TJP1: variants seen among roughly 807,000 people sequenced by gnomAD.
TJP1 encodes tight junction protein 1.
TJP1 carries 43 observed loss-of-function variants against 194.2 expected under a neutral mutation model. That is an observed-to-expected ratio of 0.22 (90% CI 0.17 to 0.29). TJP1 has a LOEUF of 0.29. TJP1 is among the 10% of genes least tolerant of loss of function. TJP1 has a pLI of 1.00. For missense variants in TJP1, 1,971 were observed against 2,185.7 expected, an observed-to-expected ratio of 0.90 and a Z score of 1.96; for synonymous variants, 801 against 779.0, an observed-to-expected ratio of 1.03 and a Z score of -0.47.
chr15:29,760,998 A>G, intron 8 of TJP1, 141 bp downstream of exon 8: 1 of 1,120,320 alleles, frequency 8.9e-7, no homozygotes, highest in Non-Finnish European at 1.2e-6. Flanking sequence ...TAGATTTAAA[A>G]AATGTCTAAG....
intron 2 of TJP1, among the ~76,000 whole-genome samples, chr15:29,920,315 C>T (rs954456332): frequency 1.3e-5 from 2 of 152,164 alleles, no homozygotes; most frequent in African/African-American, 4.8e-5. Context: ...TTTTATTTAG[C>T]ATTTCACAAA....
intron 2 of TJP1, among the ~76,000 whole-genome samples, chr15:29,777,501 A>T (rs1315045047): frequency 6.6e-6 from 1 of 152,202 alleles, no homozygotes; most frequent in Admixed American, 6.5e-5. Flanking sequence ...TAAATAAATA[A>T]AACAATGAAA....
In TJP1 at chr15:29,860,225, C is replaced by T. The variant is rs1398806447; in HGVS notation, c.307-59523G>A. Reference sequence around the variant, plus strand: ...TGACTCAGGAGTAAGCGCTTTCTTTCTCTCCCCCTGGAATCCTGTTTCACT... The same window carrying T: ...TGACTCAGGAGTAAGCGCTTTCTTTTTCTCCCCCTGGAATCCTGTTTCACT... On this transcript the variant is annotated intron_variant, in intron 2 of 28. Coordinates refer to the TJP1 transcript ENST00000356107. Among the ~76,000 whole-genome samples, 6 of 152,262 alleles carry T rather than the reference C, an allele frequency of 3.9e-5. No homozygotes were observed. In the East Asian group the frequency reaches 5.8e-4, roughly 15 times the overall value.
chr15:29,741,009 T>TG (rs1243225205), intron 10 of TJP1: 1 of 203,086 alleles, frequency 4.9e-6, no homozygotes, highest in African/African-American at 2.4e-5. Context: ...AACACTGATT[T>TG]TTTTTTTTTT....
At chr15:29,779,076 C>A (rs12916064) in intron 2 of TJP1, among the ~76,000 whole-genome samples, 13,204 of 152,262 alleles carry the variant, frequency 0.087, 791 homozygotes, top group Non-Finnish European at 0.13. Flanking sequence ...CTCCCACGAA[C>A]TTCCTTACAG....
At chr15:29,773,480 AC>A in intron 2 of TJP1, 123 bp from the exon 3 acceptor site, 1 of 884,846 alleles carries the variant, frequency 1.1e-6, no homozygotes, top group Non-Finnish European at 1.7e-6. Flanking sequence ...TGATCCATAA[AC>A]ACTCACCTGC....
At chr15:29,735,077 T>C (rs2043937559) in intron 11 of TJP1, among the ~76,000 whole-genome samples, 1 of 152,136 alleles carries the variant, frequency 6.6e-6, no homozygotes, top group African/African-American at 2.4e-5. Flanking sequence ...GGCTCAGTGT[T>C]TGCCAAGTTA....
At chr15:29,900,636 G>A (rs2053606322) in intron 2 of TJP1, among the ~76,000 whole-genome samples, 2 of 152,204 alleles carry the variant, frequency 1.3e-5, no homozygotes, top group African/African-American at 4.8e-5. Context: ...GTTACTAGCT[G>A]TATAAACTGC....
At chr15:29,858,029 C>T (rs1455478579) in intron 2 of TJP1, among the ~76,000 whole-genome samples, 1 of 152,200 alleles carries the variant, frequency 6.6e-6, no homozygotes, top group Non-Finnish European at 1.5e-5. Context: ...TCCTAAAATG[C>T]TGGGATTACA....
intron 2 of TJP1, among the ~76,000 whole-genome samples, chr15:29,840,726 A>T (rs2051195161): frequency 6.6e-6 from 1 of 152,174 alleles, no homozygotes; most frequent in Non-Finnish European, 1.5e-5. Flanking sequence ...TGCTGTATCC[A>T]GTGGGTCCCA....
chr15:29,718,890 G>A lies in TJP1; in HGVS notation c.3252C>T (p.Val1084=). 1 of 1,614,190 alleles carries A rather than the reference G, an allele frequency of 6.2e-7. No homozygotes were observed. Among genetic ancestry groups the A allele is most frequent in the Non-Finnish European group, 8.5e-7 (1 of 1,180,040 alleles). The change falls in exon 21 of 28, where the codon GTC becomes GTT. Residue 1084 remains valine, a synonymous_variant. Transcript: ENST00000614355. ...ATGACCACTGTTCTTCATACATGGGGACGCGATCTTCGTATCGCAGACGAT... is the reference window on the plus strand; with the variant it reads ...ATGACCACTGTTCTTCATACATGGGAACGCGATCTTCGTATCGCAGACGAT... ...YEHRLRYEDR[V]PMYEEQWSYY...
At chr15:29,829,520 G>A (rs936985721) in intron 2 of TJP1, among the ~76,000 whole-genome samples, 2 of 151,730 alleles carry the variant, frequency 1.3e-5, no homozygotes, top group African/African-American at 4.8e-5. Flanking sequence ...AAGAACTGCT[G>A]TGAGACATTT....
chr15:29,810,529 C>T (rs187942580), intron 1 of TJP1, among the ~76,000 whole-genome samples: 1 of 152,160 alleles, frequency 6.6e-6, no homozygotes, highest in African/African-American at 2.4e-5. Context: ...GGATTAGTAC[C>T]TTCCTTCTGC....
At chr15:29,863,510 T>C (rs887550870) in intron 2 of TJP1, among the ~76,000 whole-genome samples, 1 of 152,034 alleles carries the variant, frequency 6.6e-6, no homozygotes, top group African/African-American at 2.4e-5. Context: ...GAATTCCTGA[T>C]TGGGGAGGAG....
chr15:29,817,603 T>C (rs377694961), intron 1 of TJP1, among the ~76,000 whole-genome samples: 35 of 152,072 alleles, frequency 2.3e-4, no homozygotes, highest in South Asian at 1.5e-3. Context: ...CAATGACAGA[T>C]TGGATAAAGA....
rs534832426 is a variant in TJP1 at position 29,765,061 on chromosome 15, G to A, written c.589+1205C>T. Among the ~76,000 whole-genome samples the A allele has an allele frequency of 2.0e-4, 30 of 152,134 alleles. No homozygotes were observed. In the East Asian group the frequency reaches 5.2e-3, roughly 26 times the overall value. On this transcript the variant is annotated intron_variant, in intron 5 of 27. Coordinates refer to ENST00000614355, the MANE Select transcript of TJP1 (RefSeq NM_001330239.4). ...TTGCAAAAGATACAGAAAGGTGGGG[G>A]AAAAAAACAGAAAGATACAGTACTA...
chr15:29,715,082 T>C (rs1595590413), intron 23 of TJP1, among the ~76,000 whole-genome samples: 1 of 152,204 alleles, frequency 6.6e-6, no homozygotes, highest in Admixed American at 6.5e-5. Context: ...ACTGTGTAAA[T>C]GAATTCCTGT....
chr15:29,964,003 C>A (rs1199903548), intron 1 of TJP1, among the ~76,000 whole-genome samples: 2 of 152,114 alleles, frequency 1.3e-5, no homozygotes, highest in East Asian at 3.8e-4. Context: ...CTGCTGATAG[C>A]AATAAATTAT....
At chr15:29,725,227 C>T (rs1013708075) in intron 18 of TJP1, among the ~76,000 whole-genome samples, 3 of 152,160 alleles carry the variant, frequency 2.0e-5, no homozygotes, top group Non-Finnish European at 2.9e-5. Context: ...CTTAGGCTCT[C>T]GTATGCATGG....
Sources: gnomAD v4.1 joint callset for allele counts (sites outside exome capture counted in the v4.1 genomes callset) on GRCh38, gnomAD v4.1.1 for gene constraint, MANE v1.5 for transcripts, NCBI Gene and HGNC (gene_info 2026-07-23, HGNC 2026-07-21) for gene names.